CCDC85C: variants seen among roughly 807,000 people sequenced by gnomAD.
CCDC85C encodes the protein coiled-coil domain-containing protein 85C.
Under a neutral mutation model 38.3 loss-of-function variants are expected in CCDC85C, and 18 were observed. The observed-to-expected ratio is 0.47, with a 90% CI of 0.33 to 0.70. CCDC85C has a LOEUF of 0.70. Among genes scored for constraint, CCDC85C ranks in the 30% least tolerant of loss-of-function variants. The pLI is 0.03. For missense variants in CCDC85C, 566 were observed against 621.2 expected (o/e 0.91, Z 0.94); for synonymous variants, 264 against 293.8 (o/e 0.90, Z 1.04).
Position 99,511,560 on chromosome 14 carries a change from C to T in CCDC85C, c.*3686G>A, listed in dbSNP as rs1221962201. 6.6e-6 allele frequency: 1 copy of T among 152,490 alleles called. No individual in the cohort carries two copies. Among genetic ancestry groups the T allele is most frequent in the African/African-American group, 2.4e-5 (1 of 41,456 alleles). 9.4% of individuals were successfully genotyped at this position (152,490 alleles called of 1,614,324 possible). ...TGGAAGGTGGGGCTCCAGGCCTTCG[C>T]AGTCTGTGGCTTATAAAATGTGCAG... On this transcript the variant is annotated 3_prime_UTR_variant, in exon 6 of 6. Coordinates refer to ENST00000380243, the MANE Select transcript of CCDC85C (RefSeq NM_001144995.2).
Position 99,511,523 on chromosome 14 carries a change from C to G in CCDC85C, c.*3723G>C, listed in dbSNP as rs1229124959. 6.6e-6 allele frequency: 1 copy of G among 152,560 alleles called. No homozygotes were observed. The highest frequency in any genetic ancestry group is 2.4e-5 in the African/African-American group (1 of 41,452). 9.5% of individuals were successfully genotyped at this position (152,560 alleles called of 1,614,324 possible). A position where few individuals can be genotyped will look rare whatever the true frequency, so the allele number is the denominator to read the frequency against. On this transcript the variant is annotated 3_prime_UTR_variant, in exon 6 of 6. Coordinates refer to ENST00000380243, the MANE Select transcript of CCDC85C (RefSeq NM_001144995.2). ...AAAGCAGTTCTGAAACTATCCCTTT[C>G]TTTGTTATGGGTGGAAGGTGGGGCT...
In CCDC85C at chr14:99,569,863, G is replaced by A. The variant is rs112358893; in HGVS notation, c.793+33304C>T. On this transcript the variant is annotated intron_variant, in intron 1 of 5. Coordinates refer to ENST00000380243, the MANE Select transcript of CCDC85C (RefSeq NM_001144995.2). The surrounding 1 kb of genome is among the most constrained non-coding windows in gnomAD (Gnocchi z 4.3). ...GTTGTAATCCCAACTTTGGGAAGCT[G>A]AGGCGGGAGGATAGCATGAGCCCAG... is the stretch of plus-strand genomic sequence containing the variant. Among the ~76,000 whole-genome samples the A allele has an allele frequency of 8.9e-4, 135 of 152,270 alleles. No individual in the cohort carries two copies. The highest frequency in any genetic ancestry group is 2.9e-3 in the African/African-American group (121 of 41,554).
chr14:99,604,006 G>C lies in CCDC85C; in HGVS notation c.-47C>G. 8.5e-7 allele frequency: 1 copy of C among 1,177,094 alleles called. No homozygotes were observed. 72.9% of individuals were successfully genotyped at this position (1,177,094 alleles called of 1,614,324 possible). A position where few individuals can be genotyped will look rare whatever the true frequency, so the allele number is the denominator to read the frequency against. On this transcript the variant is annotated 5_prime_UTR_variant, in exon 1 of 6. Coordinates refer to ENST00000380243, the MANE Select transcript of CCDC85C (RefSeq NM_001144995.2). ...TCGCCCTCGCCCTCGCCCGGCCGGC[G>C]CTTCCCCGCGCCGGGGCTCCGCTGG... is the stretch of plus-strand genomic sequence containing the variant.
intron 1 of CCDC85C, among the ~76,000 whole-genome samples, chr14:99,571,393 C>T (rs1898339921): frequency 6.6e-6 from 1 of 151,344 alleles, no homozygotes; most frequent in South Asian, 2.1e-4. Flanking sequence ...ACGATAACCC[C>T]CCAGCTCCAG....
rs1398513000 is a variant in CCDC85C at position 99,510,748 on chromosome 14, T to C, written c.*4498A>G. ...ATTCCCCCACCCGGCATGCCTCCAG[T>C]TGGGGGGCTGGGGCGGGCAGCCTGG... On this transcript the variant is annotated 3_prime_UTR_variant, in exon 6 of 6. Transcript: ENST00000380243. The C allele has an allele frequency of 1.4e-6, 2 of 1,445,338 alleles. No homozygotes were observed. The highest frequency in any genetic ancestry group is 9.1e-7 in the Non-Finnish European group (1 of 1,099,720). The allele number at this position is 1,445,338 out of a possible 1,614,324, so 89.5% of individuals were successfully genotyped here.
chr14:99,596,164 T>G (rs993032210), intron 1 of CCDC85C, among the ~76,000 whole-genome samples: 3 of 152,216 alleles, frequency 2.0e-5, no homozygotes, highest in Non-Finnish European at 2.9e-5. Context: ...GGCCTGGCAT[T>G]TGTTCCACTC....
At chr14:99,542,204 C>A (rs1205336249) in intron 1 of CCDC85C, among the ~76,000 whole-genome samples, 1 of 152,232 alleles carries the variant, frequency 6.6e-6, no homozygotes, top group Non-Finnish European at 1.5e-5. Flanking sequence ...AGCCTCAGGG[C>A]TGGTGGCTCC....
At chr14:99,596,003 G>C (rs903870495) in intron 1 of CCDC85C, among the ~76,000 whole-genome samples, 1 of 152,258 alleles carries the variant, frequency 6.6e-6, no homozygotes, top group Non-Finnish European at 1.5e-5. Flanking sequence ...TAAACTCCCA[G>C]ATGAAGAGAC....
At chr14:99,534,828 G>A in intron 2 of CCDC85C, 3 of 650,320 alleles carry the variant, frequency 4.6e-6, no homozygotes, top group Admixed American at 2.5e-5. Flanking sequence ...TTCACCATAG[G>A]GCACCTGACA....
At chr14:99,557,357 G>C (rs2139944892) in intron 1 of CCDC85C, among the ~76,000 whole-genome samples, 1 of 152,328 alleles carries the variant, frequency 6.6e-6, no homozygotes, top group African/African-American at 2.4e-5. Context: ...GAAGAGACAA[G>C]AGCTGGGTTA....
Position 99,509,952 on chromosome 14 carries a change from G to A in CCDC85C, c.*5294C>T. The A allele has an allele frequency of 1.6e-6, 1 of 607,776 alleles. No individual in the cohort carries two copies. The highest frequency in any genetic ancestry group is 2.0e-5 in the South Asian group (1 of 50,208). The allele number at this position is 607,776 out of a possible 1,614,324, so 37.6% of individuals were successfully genotyped here. ...GGAGGGAAAACCCCAGGTCGTCGCA[G>A]ACAGGGTGGAGGGCCTTCTTGACAG... On this transcript the variant is annotated 3_prime_UTR_variant, in exon 6 of 6. Transcript: ENST00000380243.
chr14:99,586,510 A>G (rs1471375845), intron 1 of CCDC85C, among the ~76,000 whole-genome samples: 3 of 152,182 alleles, frequency 2.0e-5, no homozygotes, highest in Non-Finnish European at 4.4e-5. Flanking sequence ...AATATGCTAG[A>G]GTGGGGGCAT....
intron 1 of CCDC85C, among the ~76,000 whole-genome samples, chr14:99,546,140 TG>T (rs1897803552): frequency 1.3e-5 from 2 of 152,028 alleles, no homozygotes; most frequent in African/African-American, 4.8e-5. Flanking sequence ...AGAATTTTGC[TG>T]GTTTCAGGAG....
intron 1 of CCDC85C, among the ~76,000 whole-genome samples, chr14:99,547,191 T>G (rs1227711900): frequency 6.6e-6 from 1 of 151,974 alleles, no homozygotes; most frequent in Non-Finnish European, 1.5e-5. Flanking sequence ...CAAACTCCCG[T>G]CTCTAAAAAT....
Position 99,513,057 on chromosome 14 carries a change from G to A in CCDC85C, c.*2189C>T, listed in dbSNP as rs1232803109. 1 of 152,252 alleles carries A rather than the reference G, an allele frequency of 6.6e-6. No individual in the cohort carries two copies. The highest frequency in any genetic ancestry group is 1.5e-5 in the Non-Finnish European group (1 of 68,054). 9.4% of individuals were successfully genotyped at this position (152,252 alleles called of 1,614,324 possible). On this transcript the variant is annotated 3_prime_UTR_variant, in exon 6 of 6. Coordinates refer to ENST00000380243, the MANE Select transcript of CCDC85C (RefSeq NM_001144995.2). ...ACAGCAGGAGGGTTCTCAAAGCAATGTTCCACTGATCCCTGGATGCCACTG... is the reference window on the plus strand; with the variant it reads ...ACAGCAGGAGGGTTCTCAAAGCAATATTCCACTGATCCCTGGATGCCACTG...
chr14:99,549,324 T>C lies in CCDC85C; in HGVS notation c.794-13236A>G, dbSNP rs528529850. Among the ~76,000 whole-genome samples, 86 of 152,322 alleles carry C rather than the reference T, an allele frequency of 5.6e-4. 2 individuals are homozygous for C. Among genetic ancestry groups the C allele is most frequent in the African/African-American group, 1.8e-3 (74 of 41,580 alleles). On this transcript the variant is annotated intron_variant, in intron 1 of 5. Transcript: ENST00000380243. ...CGGGTCCCCATTCCTGGGCTGCATA[T>C]GGAAATCCCACAAACACCCCCAGCA... is the stretch of plus-strand genomic sequence containing the variant.
In CCDC85C at chr14:99,571,997, G is replaced by A. The variant is rs534620059; in HGVS notation, c.793+31170C>T. Among the ~76,000 whole-genome samples the A allele has an allele frequency of 2.5e-4, 38 of 152,296 alleles. No homozygotes were observed. The South Asian group carries it at 7.3e-3, about 29-fold the overall frequency. On this transcript the variant is annotated intron_variant, in intron 1 of 5. Coordinates refer to ENST00000380243, the MANE Select transcript of CCDC85C (RefSeq NM_001144995.2). ...AGGGGACAAGGAGTGAGGCATGTGG[G>A]CCAAGGAGCTGGAGACTGCCTGCAG... is the stretch of plus-strand genomic sequence containing the variant.
At chr14:99,549,641 G>A (rs1360987800) in intron 1 of CCDC85C, among the ~76,000 whole-genome samples, 1 of 152,234 alleles carries the variant, frequency 6.6e-6, no homozygotes, top group Non-Finnish European at 1.5e-5. Context: ...GCGAGACACT[G>A]TCCCCGAAAT....
chr14:99,562,832 TG>T (rs978908245), intron 1 of CCDC85C, among the ~76,000 whole-genome samples: 1 of 151,834 alleles, frequency 6.6e-6, no homozygotes, highest in African/African-American at 2.4e-5. Context: ...CACACACAAG[TG>T]CATATTCACA....
Sources: allele counts gnomAD v4.1 joint callset (sites outside exome capture counted in the v4.1 genomes callset), GRCh38; gene constraint gnomAD v4.1.1; non-coding constraint Gnocchi (gnomAD v3.1); transcripts MANE v1.5; gene names NCBI Gene and HGNC (gene_info 2026-07-23, HGNC 2026-07-21).